The following ERICH1 variants were observed in gnomAD, a reference collection of about 807,000 sequenced individuals.
The protein encoded by ERICH1 is glutamate rich 1.
In ERICH1, 56 loss-of-function variants were observed where a neutral mutation model predicts 39.6. The observed-to-expected ratio is 1.41, with a 90% CI of 1.14 to 1.77. ERICH1 has a LOEUF of 1.77. ERICH1 is among the 40% of genes most tolerant of loss of function. The probability of loss-of-function intolerance (pLI) is 0.00; values close to 1 mark genes in which losing one functional copy is unlikely to be tolerated. For synonymous variants in ERICH1, 313 were observed against 223.6 expected (o/e 1.40, Z -3.57); for missense variants, 826 against 575.4 (o/e 1.44, Z -4.45).
chr8:671,090 C>T (rs1286340474), intron 4 of ERICH1, among the ~76,000 whole-genome samples: 1 of 151,864 alleles, frequency 6.6e-6, no homozygotes, highest in East Asian at 1.9e-4. Context: ...AGCCCCGGCT[C>T]TAATGTCTGT....
At chr8:622,463 C>T (rs1797344535) in intron 3 of ERICH1, among the ~76,000 whole-genome samples, 1 of 152,150 alleles carries the variant, frequency 6.6e-6, no homozygotes, top group Non-Finnish European at 1.5e-5. Flanking sequence ...GACACCATAT[C>T]TATGAAGCAG....
intron 2 of ERICH1, among the ~76,000 whole-genome samples, chr8:703,626 G>A (rs1202633634): frequency 6.6e-6 from 1 of 152,200 alleles, no homozygotes; most frequent in African/African-American, 2.4e-5. Flanking sequence ...TGTCCATAGA[G>A]AGTGTGAGAG....
At chr8:692,278 T>TG (rs1290743213) in intron 3 of ERICH1, among the ~76,000 whole-genome samples, 200 bp downstream of exon 3, 1 of 152,242 alleles carries the variant, frequency 6.6e-6, no homozygotes, top group Non-Finnish European at 1.5e-5. Context: ...TCTTTTTTCC[T>TG]GTCATTACAA....
chr8:669,530 C>T (rs544339801), intron 4 of ERICH1, among the ~76,000 whole-genome samples: 62 of 70,432 alleles, frequency 8.8e-4, no homozygotes, highest in African/African-American at 3.7e-3. Flanking sequence ...TCCCCTGGCC[C>T]GTCTACACGT....
At chr8:633,651 A>C (rs539112570) in intron 3 of ERICH1, among the ~76,000 whole-genome samples, 16 of 152,340 alleles carry the variant, frequency 1.1e-4, no homozygotes, top group South Asian at 2.1e-4. Flanking sequence ...AAGCCACAGG[A>C]ATGAAAGCAT....
At chr8:633,594 AGAAC>A (rs1798188243) in intron 3 of ERICH1, among the ~76,000 whole-genome samples, 1 of 152,240 alleles carries the variant, frequency 6.6e-6, no homozygotes, top group Non-Finnish European at 1.5e-5. Context: ...AATCCTAAAA[AGAAC>A]GAAGCTGGAG....
At chr8:721,528 C>T (rs1360738291) in intron 1 of ERICH1, among the ~76,000 whole-genome samples, 1 of 152,198 alleles carries the variant, frequency 6.6e-6, no homozygotes, top group Non-Finnish European at 1.5e-5. Context: ...GGGCCTTTAC[C>T]ACCAGTGCTC....
At chr8:704,954 C>A (rs1812926633) in intron 2 of ERICH1, among the ~76,000 whole-genome samples, 1 of 151,888 alleles carries the variant, frequency 6.6e-6, no homozygotes, top group Non-Finnish European at 1.5e-5. Flanking sequence ...ACATAACTGA[C>A]AAATTTAAAA....
chr8:677,628 A>G (rs983080758), intron 3 of ERICH1, among the ~76,000 whole-genome samples: 1 of 152,126 alleles, frequency 6.6e-6, no homozygotes, highest in Non-Finnish European at 1.5e-5. Context: ...CCCTGAACAC[A>G]CTGATGTTTA....
rs370764946 is a variant in ERICH1, at chr8:674,065, A to C, written c.305-18T>G. The C allele has an allele frequency of 1.3e-3, 1,923 of 1,519,058 alleles. 1 individual carries two copies. The highest frequency in any genetic ancestry group is 1.6e-3 in the Non-Finnish European group (1,819 of 1,148,118). The allele number at this position is 1,519,058 out of a possible 1,614,324, so 94.1% of individuals were successfully genotyped here. A position where few individuals can be genotyped will look rare whatever the true frequency, so the allele number is the denominator to read the frequency against. Reference sequence around the variant, plus strand: ...ATCCTGATCTGTTAAAAAAATTCAAATATAACAATTTTCAGTACAATGAAA... The same window carrying C: ...ATCCTGATCTGTTAAAAAAATTCAACTATAACAATTTTCAGTACAATGAAA... On this transcript the variant is annotated intron_variant, in intron 3 of 5. Transcript: ENST00000262109.
At chr8:705,511 A>T (rs1813069178) in intron 2 of ERICH1, among the ~76,000 whole-genome samples, 1 of 152,260 alleles carries the variant, frequency 6.6e-6, no homozygotes, top group Admixed American at 6.5e-5. Context: ...TAAACTGGGC[A>T]TAGAAGGGAA....
At chr8:712,895 A>G (rs1311528161) in intron 2 of ERICH1, among the ~76,000 whole-genome samples, 1 of 152,240 alleles carries the variant, frequency 6.6e-6, no homozygotes. Flanking sequence ...TGATTGAAAA[A>G]GCAAGAAAAT....
At chr8:681,488 A>G (rs889637653) in intron 3 of ERICH1, among the ~76,000 whole-genome samples, 3 of 152,192 alleles carry the variant, frequency 2.0e-5, no homozygotes, top group African/African-American at 7.2e-5. Flanking sequence ...TTCCTTGGGG[A>G]TTGGAGTCTC....
At chr8:621,582 G>T (rs1797284590) in intron 3 of ERICH1, among the ~76,000 whole-genome samples, 1 of 151,544 alleles carries the variant, frequency 6.6e-6, no homozygotes, top group Non-Finnish European at 1.5e-5. Context: ...CAGAAGAAAG[G>T]AAATAATCAA....
chr8:650,291 T>G (rs1275476276), intron 3 of ERICH1, among the ~76,000 whole-genome samples: 1 of 152,198 alleles, frequency 6.6e-6, no homozygotes, highest in Non-Finnish European at 1.5e-5. Flanking sequence ...GTGGCCCCTG[T>G]CCTCGCTGGG....
intron 3 of ERICH1, among the ~76,000 whole-genome samples, chr8:642,034 G>A (rs912956460): frequency 2.0e-5 from 3 of 152,216 alleles, no homozygotes; most frequent in African/African-American, 7.2e-5. Flanking sequence ...TGGCCTGCCA[G>A]GCGGCCTGTG....
chr8:731,213 G>C lies in ERICH1; in HGVS notation c.-52C>G. 7.0e-7 allele frequency: 1 copy of C among 1,419,520 alleles called. No homozygotes were observed. Among genetic ancestry groups the C allele is most frequent in the Non-Finnish European group, 9.2e-7 (1 of 1,088,118 alleles). 87.9% of individuals were successfully genotyped at this position (1,419,520 alleles called of 1,614,324 possible). On this transcript the variant is annotated 5_prime_UTR_variant, in exon 1 of 6. Transcript: ENST00000262109. The stretch of plus-strand genomic sequence containing the variant: ...CACGGCGCGCGGTCCTGAGCTGAGC[G>C]CCGTGCCTTCCGGGTTCCGCCCTCC...
chr8:673,142 T>A lies in ERICH1; in HGVS notation c.1063+147A>T, dbSNP rs1004950464. ...TAACTAATTATTTACATTGAATATT[T>A]TTTACTTATATTAGTTGCCTTACAA... is the stretch of plus-strand genomic sequence containing the variant. On this transcript the variant is annotated intron_variant, in intron 4 of 5. Transcript: ENST00000262109. 4 of 999,996 alleles carry A rather than the reference T, an allele frequency of 4.0e-6. No homozygotes were observed. In the Admixed American group the frequency reaches 1.2e-4, roughly 30 times the overall value. The allele number at this position is 999,996 out of a possible 1,614,324, so 61.9% of individuals were successfully genotyped here.
intron 5 of ERICH1, chr8:666,922 C>G (rs1162948777): frequency 2.0e-5 from 3 of 152,662 alleles, no homozygotes; most frequent in Non-Finnish European, 4.4e-5. Context: ...GCTGCAGGCC[C>G]CTCTCAGCAG....
Sources: gnomAD v4.1 joint callset for allele counts (sites outside exome capture counted in the v4.1 genomes callset) on GRCh38, gnomAD v4.1.1 for gene constraint, MANE v1.5 for transcripts, NCBI Gene and HGNC (gene_info 2026-07-23, HGNC 2026-07-21) for gene names.